GLG1: variants seen among roughly 807,000 people sequenced by gnomAD.
GLG1 encodes the protein golgi glycoprotein 1.
In GLG1, 38 loss-of-function variants were observed where a neutral mutation model predicts 160.5. The ratio of observed to expected loss-of-function variants is 0.24; its 90% CI spans 0.18 to 0.31. The LOEUF is 0.31. Ranked by LOEUF, GLG1 falls within the 10% of genes least tolerant of loss-of-function variation. The pLI is 1.00. For synonymous variants in GLG1, 644 were observed against 543.4 expected (o/e 1.19, Z -2.57); for missense variants, 1,373 against 1,505.2 (o/e 0.91, Z 1.45).
intron 2 of GLG1, among the ~76,000 whole-genome samples, chr16:74,513,643 C>T (rs1348188267): frequency 3.3e-5 from 5 of 152,118 alleles, no homozygotes; most frequent in South Asian, 2.1e-4. Flanking sequence ...AGACCCCATT[C>T]GTAGGTCACC....
chr16:74,497,806 C>T (rs1262100898), intron 4 of GLG1, among the ~76,000 whole-genome samples: 1 of 152,200 alleles, frequency 6.6e-6, no homozygotes, highest in Non-Finnish European at 1.5e-5. Flanking sequence ...GACTTTCTTG[C>T]TCCTTTCCCT....
chr16:74,472,361 C>A lies in GLG1; in HGVS notation c.2103G>T (p.Gln701His), dbSNP rs746063264. ...LLMRACEPII[Q>H]NFCHDVADNQ... ...AGACATCACTTACGTGGCAGAAGTT[C>A]TGAATTATGGGCTCACAGGCTCTCA... The change falls in exon 14 of 26, where the codon CAG (glutamine) becomes CAT (histidine). Residue 701 changes from glutamine (Q) to histidine (H), a missense_variant. By Grantham distance (24) the Gln-to-His change is conservative. Transcript: ENST00000422840. 2 of 1,611,642 alleles carry A rather than the reference C, an allele frequency of 1.2e-6. No homozygotes were observed. Among genetic ancestry groups the A allele is most frequent in the Admixed American group, 3.3e-5 (2 of 59,978 alleles).
chr16:74,576,173 C>A (rs879803117), intron 1 of GLG1, among the ~76,000 whole-genome samples: 15 of 151,226 alleles, frequency 9.9e-5, no homozygotes, highest in Admixed American at 8.6e-4. Context: ...CTCCAGTCTG[C>A]GCGACAGAGC....
At chr16:74,576,849 T>A (rs1478862798) in intron 1 of GLG1, among the ~76,000 whole-genome samples, 1 of 152,148 alleles carries the variant, frequency 6.6e-6, no homozygotes, top group Non-Finnish European at 1.5e-5. Flanking sequence ...CTGAATTGAG[T>A]AGCTGAAGAA....
chr16:74,507,142 T>C (rs1319406147), intron 3 of GLG1, among the ~76,000 whole-genome samples: 1 of 152,210 alleles, frequency 6.6e-6, no homozygotes, highest in Non-Finnish European at 1.5e-5. Flanking sequence ...GTGTTCTTCC[T>C]GATATTTAAT....
intron 1 of GLG1, among the ~76,000 whole-genome samples, chr16:74,568,471 G>C (rs994452691): frequency 8.4e-4 from 126 of 149,298 alleles, no homozygotes; most frequent in African/African-American, 3.0e-3. Flanking sequence ...AGGCTGGAGT[G>C]CAATGGCATG....
At chr16:74,536,876 G>A (rs946645105) in intron 1 of GLG1, among the ~76,000 whole-genome samples, 3 of 152,044 alleles carry the variant, frequency 2.0e-5, no homozygotes, top group Non-Finnish European at 1.5e-5. Context: ...TTCAAACCAG[G>A]GGCAAAGTGC....
At chr16:74,548,437 T>C (rs1434331365) in intron 1 of GLG1, among the ~76,000 whole-genome samples, 3 of 152,206 alleles carry the variant, frequency 2.0e-5, no homozygotes, top group Non-Finnish European at 4.4e-5. Flanking sequence ...CAGACACTTA[T>C]ATTTAAGAAA....
chr16:74,460,956 A>T (rs999338172), intron 22 of GLG1, among the ~76,000 whole-genome samples: 12 of 152,240 alleles, frequency 7.9e-5, no homozygotes, highest in African/African-American at 2.9e-4. Context: ...ACACACGCAC[A>T]CATACACAGG....
chr16:74,527,779 T>C (rs561532755), intron 2 of GLG1, among the ~76,000 whole-genome samples: 135 of 152,042 alleles, frequency 8.9e-4, no homozygotes, highest in African/African-American at 3.1e-3. Context: ...CAGGGGTGAG[T>C]GCCGTGGCGG....
chr16:74,450,717 C>G lies in GLG1; in HGVS notation c.*2450G>C, dbSNP rs1447755444. 6.6e-6 allele frequency: 1 copy of G among 151,838 alleles called. No homozygotes were observed. Among genetic ancestry groups the G allele is most frequent in the Non-Finnish European group, 1.5e-5 (1 of 68,010 alleles). 9.4% of individuals were successfully genotyped at this position (151,838 alleles called of 1,614,324 possible). On this transcript the variant is annotated 3_prime_UTR_variant, in exon 26 of 26. Transcript: ENST00000422840. Reference sequence around the variant, plus strand: ...TACAAAAATAAGCCAGGCGTGGTGGCGGGTGCCTGGAATCCCAGCTACTCA... The same window carrying G: ...TACAAAAATAAGCCAGGCGTGGTGGGGGGTGCCTGGAATCCCAGCTACTCA...
intron 9 of GLG1, 29 bp from the exon 10 acceptor site, chr16:74,483,153 AAG>A (rs1237012940): frequency 7.7e-7 from 1 of 1,292,896 alleles, no homozygotes; most frequent in Admixed American, 1.7e-5. Context: ...AAATTGTAAC[AAG>A]AGAGAAGTGT....
intron 1 of GLG1, among the ~76,000 whole-genome samples, chr16:74,575,057 C>T (rs1356024008): frequency 7.9e-6 from 1 of 127,182 alleles, no homozygotes; most frequent in African/African-American, 3.0e-5. Context: ...GACCAGCCTG[C>T]TCAAGATGGT....
chr16:74,514,666 G>A (rs1299308016), intron 2 of GLG1, among the ~76,000 whole-genome samples: 1 of 152,128 alleles, frequency 6.6e-6, no homozygotes, highest in East Asian at 1.9e-4. Context: ...GGAACAACCG[G>A]TACCAGCCAC....
At chr16:74,582,467 C>T (rs928702049) in intron 1 of GLG1, among the ~76,000 whole-genome samples, 3 of 152,104 alleles carry the variant, frequency 2.0e-5, no homozygotes, top group Non-Finnish European at 4.4e-5. Flanking sequence ...TCTTTGTTAA[C>T]AGGAATGTCC....
intron 1 of GLG1, among the ~76,000 whole-genome samples, chr16:74,548,978 A>G (rs1383018328): frequency 6.6e-6 from 1 of 152,146 alleles, no homozygotes; most frequent in East Asian, 1.9e-4. Flanking sequence ...CCAGGGTGAC[A>G]GAGACTCCAT....
intron 9 of GLG1, among the ~76,000 whole-genome samples, chr16:74,483,938 C>T (rs976733774): frequency 1.3e-5 from 2 of 152,098 alleles, no homozygotes; most frequent in East Asian, 3.9e-4. Context: ...GGATTACAGG[C>T]GTGAGCCACC....
At chr16:74,477,267 T>C (rs544935318) in intron 12 of GLG1, 129 bp downstream of exon 12, 2 of 777,468 alleles carry the variant, frequency 2.6e-6, no homozygotes, top group East Asian at 2.7e-5. Flanking sequence ...AGAGAAAATA[T>C]TGAACAATAC....
At chr16:74,512,290 A>T (rs867627927) in intron 2 of GLG1, among the ~76,000 whole-genome samples, 49 of 149,974 alleles carry the variant, frequency 3.3e-4, no homozygotes, top group South Asian at 8.5e-4. Context: ...AAAAAAAAAA[A>T]TTTTTGCCCA....
Sources: allele counts gnomAD v4.1 joint callset (sites outside exome capture counted in the v4.1 genomes callset), GRCh38; gene constraint gnomAD v4.1.1; transcripts MANE v1.5; gene names NCBI Gene and HGNC (gene_info 2026-07-23, HGNC 2026-07-21).